The following PPTC7 variants were observed in gnomAD, a reference collection of about 807,000 sequenced individuals.
PPTC7 encodes the protein protein phosphatase PTC7 homolog.
In PPTC7, 6 loss-of-function variants were observed where a neutral mutation model predicts 30.8. The observed-to-expected ratio is 0.19, with a 90% CI of 0.11 to 0.38. The LOEUF (loss-of-function observed/expected upper bound fraction) is 0.38. Among genes scored for constraint, PPTC7 ranks in the 10% least tolerant of loss-of-function variants. The pLI, the probability that PPTC7 is intolerant of heterozygous loss-of-function variation, is 1.00. For missense variants in PPTC7, 218 were observed against 404.8 expected, an observed-to-expected ratio of 0.54 and a Z score of 3.96; for synonymous variants, 163 against 168.1, an observed-to-expected ratio of 0.97 and a Z score of 0.23.
intron 1 of PPTC7, among the ~76,000 whole-genome samples, chr12:110,563,773 T>A (rs1483948122): frequency 6.6e-6 from 1 of 152,226 alleles, no homozygotes; most frequent in Non-Finnish European, 1.5e-5. Context: ...TAAGAATTAA[T>A]CAAATTAATG....
At chr12:110,567,271 T>C (rs2064492677) in intron 1 of PPTC7, among the ~76,000 whole-genome samples, 1 of 152,324 alleles carries the variant, frequency 6.6e-6, no homozygotes, top group Non-Finnish European at 1.5e-5. Flanking sequence ...CCCTACTCCC[T>C]GAATCGGTGT....
At chr12:110,558,015 G>C (rs2064403834) in intron 1 of PPTC7, among the ~76,000 whole-genome samples, 1 of 152,108 alleles carries the variant, frequency 6.6e-6, no homozygotes, top group Non-Finnish European at 1.5e-5. Context: ...ATTTGAGTGG[G>C]GACAATGCCA....
At chr12:110,547,249 G>A (rs759179033) in intron 2 of PPTC7, among the ~76,000 whole-genome samples, 22 of 152,280 alleles carry the variant, frequency 1.4e-4, no homozygotes, top group Non-Finnish European at 2.8e-4. Flanking sequence ...ACACCATCAC[G>A]TAATACTCAG....
At chr12:110,560,000 T>A (rs1157189536) in intron 1 of PPTC7, among the ~76,000 whole-genome samples, 1 of 152,122 alleles carries the variant, frequency 6.6e-6, no homozygotes, top group Non-Finnish European at 1.5e-5. Flanking sequence ...AATGCTAGAA[T>A]TACAGGAATG....
chr12:110,552,431 G>C (rs1339859496), intron 1 of PPTC7, among the ~76,000 whole-genome samples: 1 of 152,180 alleles, frequency 6.6e-6, no homozygotes, highest in East Asian at 1.9e-4. Context: ...GGGAAATAAA[G>C]AACAAAACTG....
rs1189231782 is a variant in PPTC7 at position 110,537,146 on chromosome 12, A to T, written c.857-51T>A. ...GTATATTTTAAAAGGAAAAGTCAAT[A>T]AAAAATGTGTACTTAAATTAAGTAC... is the stretch of plus-strand genomic sequence containing the variant. On this transcript the variant is annotated intron_variant, in intron 5 of 5. Transcript: ENST00000354300. 3.5e-6 allele frequency: 5 copies of T among 1,424,780 alleles called. No homozygotes were observed. The African/African-American group carries it at 5.6e-5, about 16-fold the overall frequency. 88.3% of individuals were successfully genotyped at this position (1,424,780 alleles called of 1,614,324 possible).
intron 1 of PPTC7, among the ~76,000 whole-genome samples, chr12:110,559,495 G>C: frequency 6.6e-6 from 1 of 151,510 alleles, no homozygotes; most frequent in Non-Finnish European, 1.5e-5. Context: ...GGAGGCCGAG[G>C]TGGGCAGATC....
intron 1 of PPTC7, among the ~76,000 whole-genome samples, chr12:110,574,821 C>A (rs1044390247): frequency 2.0e-5 from 3 of 152,090 alleles, no homozygotes; most frequent in African/African-American, 7.2e-5. Context: ...CTCTATCATC[C>A]AGGCTGGAGT....
At chr12:110,542,528 G>A (rs1355479162) in intron 3 of PPTC7, among the ~76,000 whole-genome samples, 2 of 151,696 alleles carry the variant, frequency 1.3e-5, no homozygotes, top group Non-Finnish European at 2.9e-5. Flanking sequence ...CAAAAAGTTA[G>A]ATCATGGTGG....
At chr12:110,568,851 C>CCATT (rs2064508621) in intron 1 of PPTC7, among the ~76,000 whole-genome samples, 1 of 152,154 alleles carries the variant, frequency 6.6e-6, no homozygotes, top group South Asian at 2.1e-4. Flanking sequence ...CTCTAACAGG[C>CCATT]CATTCAAAGA....
rs2064220387 is a variant in PPTC7 at position 110,536,647 on chromosome 12, T to C, written c.*390A>G. The C allele has an allele frequency of 1.1e-5, 2 of 176,122 alleles. No individual in the cohort carries two copies. The highest frequency in any genetic ancestry group is 2.4e-5 in the African/African-American group (1 of 42,422). 10.9% of individuals were successfully genotyped at this position (176,122 alleles called of 1,614,324 possible). ...TAGTAGATGTATCATTACGTACAATTTGTGTTAGACTTGTACCATCCCTTT... is the reference window on the plus strand; with the variant it reads ...TAGTAGATGTATCATTACGTACAATCTGTGTTAGACTTGTACCATCCCTTT... On this transcript the variant is annotated 3_prime_UTR_variant, in exon 6 of 6. Coordinates refer to ENST00000354300, the MANE Select transcript of PPTC7 (RefSeq NM_139283.2).
At chr12:110,560,706 A>G (rs1339425560) in intron 1 of PPTC7, among the ~76,000 whole-genome samples, 1 of 152,234 alleles carries the variant, frequency 6.6e-6, no homozygotes, top group Non-Finnish European at 1.5e-5. Context: ...ACTAAACTTC[A>G]ATTTTAATAT....
At chr12:110,571,669 G>C (rs751550998) in intron 1 of PPTC7, among the ~76,000 whole-genome samples, 13 of 152,178 alleles carry the variant, frequency 8.5e-5, no homozygotes, top group Non-Finnish European at 1.2e-4. Context: ...AGGTGTGTAT[G>C]AATGTACAGG....
At chr12:110,560,198 G>A (rs1162697612) in intron 1 of PPTC7, among the ~76,000 whole-genome samples, 6 of 151,962 alleles carry the variant, frequency 3.9e-5, no homozygotes, top group Non-Finnish European at 7.4e-5. Flanking sequence ...CAAGGAATTC[G>A]AGACCAGCCT....
At chr12:110,538,361 T>C (rs2064233911) in intron 4 of PPTC7, 88 bp from the exon 5 acceptor site, 3 of 1,317,290 alleles carry the variant, frequency 2.3e-6, no homozygotes, top group Admixed American at 1.8e-5. Context: ...GTAAGTTTTA[T>C]TCTAGTTAGA....
At chr12:110,555,359 A>T (rs2064377563) in intron 1 of PPTC7, among the ~76,000 whole-genome samples, 1 of 152,226 alleles carries the variant, frequency 6.6e-6, no homozygotes, top group Admixed American at 6.5e-5. Context: ...GTTTCAAAAT[A>T]TTTAAGGGGT....
At chr12:110,581,944 T>C (rs74936918) in intron 1 of PPTC7, among the ~76,000 whole-genome samples, 177 of 152,300 alleles carry the variant, frequency 1.2e-3, no homozygotes, top group Admixed American at 3.1e-3. Flanking sequence ...CAATATCCCA[T>C]AGCATACACA....
chr12:110,539,979 A>C (rs749443479), intron 3 of PPTC7, 34 bp from the exon 4 acceptor site: 2 of 1,608,140 alleles, frequency 1.2e-6, no homozygotes, highest in East Asian at 4.5e-5. Flanking sequence ...CAAAGTTAAG[A>C]AGGCCCTTTA....
chr12:110,541,237 C>A (rs1236799860), intron 3 of PPTC7, among the ~76,000 whole-genome samples: 2 of 151,200 alleles, frequency 1.3e-5, no homozygotes, highest in Non-Finnish European at 2.9e-5. Flanking sequence ...AAAAAATTAG[C>A]CAGGCGTGGT....
Sources: allele counts gnomAD v4.1 joint callset (sites outside exome capture counted in the v4.1 genomes callset), GRCh38; gene constraint gnomAD v4.1.1; transcripts MANE v1.5; gene names NCBI Gene and HGNC (gene_info 2026-07-23, HGNC 2026-07-21).